KREMEN1: variants seen among roughly 807,000 people sequenced by gnomAD.
The protein encoded by KREMEN1 is kremen protein 1.
KREMEN1 carries 30 observed loss-of-function variants against 46.5 expected under a neutral mutation model. That is an observed-to-expected ratio of 0.65 (90% CI 0.48 to 0.88). KREMEN1 has a LOEUF of 0.88. Among genes scored for constraint, KREMEN1 ranks in the 40% least tolerant of loss-of-function variants. The pLI is 0.00. For missense variants in KREMEN1, 533 were observed against 596.9 expected, an observed-to-expected ratio of 0.89 and a Z score of 1.11; for synonymous variants, 214 against 230.6, an observed-to-expected ratio of 0.93 and a Z score of 0.65.
chr22:29,074,711 C>CA (rs1461850801), intron 1 of KREMEN1, among the ~76,000 whole-genome samples: 5 of 152,204 alleles, frequency 3.3e-5, no homozygotes, highest in Non-Finnish European at 5.9e-5. Flanking sequence ...TAAGAAAACT[C>CA]AGAGTTGCTT....
intron 3 of KREMEN1, among the ~76,000 whole-genome samples, chr22:29,108,674 C>G (rs1225106285): frequency 6.6e-6 from 1 of 152,162 alleles, no homozygotes; most frequent in Non-Finnish European, 1.5e-5. Flanking sequence ...TTATTTCTGC[C>G]CATCTCTTTT....
intron 1 of KREMEN1, among the ~76,000 whole-genome samples, chr22:29,075,945 T>C (rs915893681): frequency 2.0e-5 from 3 of 152,246 alleles, no homozygotes; most frequent in Non-Finnish European, 2.9e-5. Flanking sequence ...AATTACAATG[T>C]GTAGCCAACC....
intron 7 of KREMEN1, among the ~76,000 whole-genome samples, chr22:29,139,509 G>A (rs1601809996): frequency 6.6e-6 from 1 of 152,064 alleles, no homozygotes; most frequent in East Asian, 1.9e-4. Context: ...AGGTTGAGGT[G>A]GGAGGATCGC....
intron 1 of KREMEN1, among the ~76,000 whole-genome samples, chr22:29,075,968 C>A (rs1772400927): frequency 6.6e-6 from 1 of 152,164 alleles, no homozygotes; most frequent in African/African-American, 2.4e-5. Flanking sequence ...AAATGATCTC[C>A]CTTCTTTTCA....
chr22:29,154,038 G>C (rs1601821777), intron 9 of KREMEN1, among the ~76,000 whole-genome samples: 1 of 151,760 alleles, frequency 6.6e-6, no homozygotes, highest in South Asian at 2.1e-4. Flanking sequence ...AAGATTAAAT[G>C]AAATAAGAAA....
At chr22:29,104,736 A>G (rs1284136071) in intron 3 of KREMEN1, among the ~76,000 whole-genome samples, 1 of 152,104 alleles carries the variant, frequency 6.6e-6, no homozygotes, top group Non-Finnish European at 1.5e-5. Flanking sequence ...TCTACTAAAA[A>G]TACAAAAATA....
At chr22:29,105,052 C>A (rs910095297) in intron 3 of KREMEN1, among the ~76,000 whole-genome samples, 2 of 152,140 alleles carry the variant, frequency 1.3e-5, no homozygotes, top group Non-Finnish European at 2.9e-5. Context: ...AATCCTCAGT[C>A]TGGGACAGAA....
At chr22:29,083,429 G>A (rs1216635718) in intron 1 of KREMEN1, among the ~76,000 whole-genome samples, 2 of 152,146 alleles carry the variant, frequency 1.3e-5, no homozygotes, top group Non-Finnish European at 2.9e-5. Flanking sequence ...ATAGGTTAAT[G>A]GACATTTTTT....
chr22:29,135,095 T>C (rs553216229), intron 5 of KREMEN1, among the ~76,000 whole-genome samples: 106 of 152,306 alleles, frequency 7.0e-4, no homozygotes, highest in Middle Eastern at 3.4e-3. Context: ...GCCTTGCGTC[T>C]GTGGTGGATC....
At chr22:29,085,105 A>G (rs2037709543) in intron 1 of KREMEN1, among the ~76,000 whole-genome samples, 1 of 152,240 alleles carries the variant, frequency 6.6e-6, no homozygotes, top group African/African-American at 2.4e-5. Flanking sequence ...TTGATTTTAG[A>G]TGGCTAACTT....
At chr22:29,090,079 C>T (rs932003952) in intron 1 of KREMEN1, among the ~76,000 whole-genome samples, 3 of 152,248 alleles carry the variant, frequency 2.0e-5, no homozygotes, top group Non-Finnish European at 2.9e-5. Context: ...TTGTTCATCT[C>T]TGTAGCCCCA....
chr22:29,161,472 A>G (rs913085231), intron 9 of KREMEN1, among the ~76,000 whole-genome samples: 1 of 133,720 alleles, frequency 7.5e-6, no homozygotes, highest in African/African-American at 2.9e-5. Flanking sequence ...GCGCCACTGC[A>G]CTCCAGCCTG....
chr22:29,150,324 G>A (rs1210158033), downstream of KREMEN1, among the ~76,000 whole-genome samples: 5 of 152,196 alleles, frequency 3.3e-5, no homozygotes, highest in Non-Finnish European at 7.3e-5. Context: ...CCCTCCCGGT[G>A]GTGGTTGCTG....
At position 29,143,142 on chromosome 22, in the gene KREMEN1, C is replaced by G; in HGVS notation, c.*1030C>G. 1.0e-6 allele frequency: 1 copy of G among 956,984 alleles called. No homozygotes were observed. The highest frequency in any genetic ancestry group is 1.2e-4 in the East Asian group (1 of 8,608). The allele number at this position is 956,984 out of a possible 1,614,324, so 59.3% of individuals were successfully genotyped here. ...TCCAGCCTGGGTGACAAGAGTGAGA[C>G]TCTGTCTCAAAAAAACAAAACACAA... is the stretch of plus-strand genomic sequence containing the variant. On this transcript the variant is annotated 3_prime_UTR_variant, in exon 9 of 9. Coordinates refer to ENST00000400335, the MANE Select transcript of KREMEN1 (RefSeq NM_001039570.3).
intron 1 of KREMEN1, among the ~76,000 whole-genome samples, chr22:29,084,465 A>G (rs1465985126): frequency 2.0e-5 from 3 of 152,182 alleles, no homozygotes; most frequent in Non-Finnish European, 2.9e-5. Flanking sequence ...ACACTAATGC[A>G]TATTCAGGAT....
Position 29,166,964 on chromosome 22 carries a change from A to G in KREMEN1, c.1417-80A>G, listed in dbSNP as rs376090354. 1.9e-4 allele frequency: 218 copies of G among 1,139,516 alleles called. 1 individual carries two copies. The African/African-American group carries it at 3.0e-3, about 16-fold the overall frequency. 70.6% of individuals were successfully genotyped at this position (1,139,516 alleles called of 1,614,324 possible). A position where few individuals can be genotyped will look rare whatever the true frequency, so the allele number is the denominator to read the frequency against. On this transcript the variant is annotated intron_variant, in intron 9 of 9. Coordinates refer to the KREMEN1 transcript ENST00000327813. Reference sequence around the variant, plus strand: ...AAAACAAAAGAGACCAAAATCAGTCAAATGCTTCTAACTGTTCTCTCCCTC... The same window carrying G: ...AAAACAAAAGAGACCAAAATCAGTCGAATGCTTCTAACTGTTCTCTCCCTC...
chr22:29,113,645 G>A (rs2038186380), intron 3 of KREMEN1, among the ~76,000 whole-genome samples: 1 of 152,182 alleles, frequency 6.6e-6, no homozygotes, highest in Admixed American at 6.5e-5. Context: ...GCTGAGAAGG[G>A]CTGTGATGGA....
At chr22:29,111,470 CG>C (rs2038148091) in intron 3 of KREMEN1, 1 of 151,658 alleles carries the variant, frequency 6.6e-6, no homozygotes, top group Non-Finnish European at 1.5e-5. Context: ...AAAAATTAGC[CG>C]GGCGTGGTGG....
chr22:29,139,825 T>C (rs1347444653), intron 7 of KREMEN1, among the ~76,000 whole-genome samples: 1 of 152,134 alleles, frequency 6.6e-6, no homozygotes, highest in African/African-American at 2.4e-5. Flanking sequence ...GGACCCACCA[T>C]AGAAGGTCAG....
Sources: gnomAD v4.1 joint callset for allele counts (sites outside exome capture counted in the v4.1 genomes callset) on GRCh38, gnomAD v4.1.1 for gene constraint, MANE v1.5 for transcripts, NCBI Gene and HGNC (gene_info 2026-07-23, HGNC 2026-07-21) for gene names.